Variants in VPS13B observed in about 807,000 individuals in gnomAD.
VPS13B encodes the protein vacuolar protein sorting 13 homolog B, also known as intermembrane lipid transfer protein VPS13B.
In VPS13B, 285 loss-of-function variants were observed where a neutral mutation model predicts 426.4. The observed-to-expected ratio is 0.67, with a 90% confidence interval of 0.61 to 0.74. The LOEUF (loss-of-function observed/expected upper bound fraction) is 0.74. Ranked by LOEUF, VPS13B falls within the 30% of genes least tolerant of loss-of-function variation. The pLI, the probability that VPS13B is intolerant of heterozygous loss-of-function variation, is 0.00. For missense variants in VPS13B, 4,537 were observed against 4,782.6 expected (o/e 0.95, Z 1.51); for synonymous variants, 1,676 against 1,676.4 (o/e 1.00, Z 0.01).
intron 4 of VPS13B, among the ~76,000 whole-genome samples, chr8:99,099,518 GAAAT>G (rs58469603): frequency 0.014 from 2,060 of 152,206 alleles, 40 homozygotes; most frequent in African/African-American, 0.045. Context: ...GACTATCAGA[GAAAT>G]AAATAAGATA....
chr8:99,328,355 C>T lies in VPS13B; in HGVS notation c.2824+53101C>T, dbSNP rs187121357. Among the ~76,000 whole-genome samples the T allele has an allele frequency of 4.1e-4, 62 of 152,266 alleles. 1 individual carries two copies. Among genetic ancestry groups the T allele is most frequent in the South Asian group, 1.7e-3 (8 of 4,824 alleles). ...GATTTATTATAAAGATTTCTCCATA[C>T]TCAATTGTGGGAGTTTTAAAAAAAT... is the stretch of plus-strand genomic sequence containing the variant. On this transcript the variant is annotated intron_variant, in intron 19 of 61. Coordinates refer to ENST00000357162, the MANE Select transcript of VPS13B (RefSeq NM_152564.5).
chr8:99,310,577 G>A (rs1414900194), intron 19 of VPS13B, among the ~76,000 whole-genome samples: 1 of 152,194 alleles, frequency 6.6e-6, no homozygotes, highest in Non-Finnish European at 1.5e-5. Context: ...TGTGTTGCTG[G>A]ATTCGGTTTG....
At chr8:99,875,214 A>G (rs1272506622) in intron 61 of VPS13B, 3 of 714,234 alleles carry the variant, frequency 4.2e-6, no homozygotes, top group Admixed American at 4.6e-5. Flanking sequence ...CCTAAGTCTC[A>G]TGCACAACTT....
intron 33 of VPS13B, among the ~76,000 whole-genome samples, chr8:99,634,567 T>C (rs947885223): frequency 3.3e-5 from 5 of 152,074 alleles, no homozygotes; most frequent in African/African-American, 1.2e-4. Context: ...TGCAGTATTG[T>C]GAAAAACATT....
At chr8:99,478,177 A>G (rs1385956418) in intron 24 of VPS13B, among the ~76,000 whole-genome samples, 3 of 151,232 alleles carry the variant, frequency 2.0e-5, no homozygotes, top group Non-Finnish European at 2.9e-5. Context: ...AAACTGATAC[A>G]TTGTTTTCTT....
intron 19 of VPS13B, among the ~76,000 whole-genome samples, chr8:99,309,793 A>G (rs1045174528): frequency 3.9e-5 from 6 of 152,132 alleles, no homozygotes; most frequent in African/African-American, 7.2e-5. Flanking sequence ...TTTTCATGAT[A>G]TTGATTCTTC....
intron 31 of VPS13B, among the ~76,000 whole-genome samples, chr8:99,561,430 G>A (rs1824914800): frequency 6.6e-6 from 1 of 152,118 alleles, no homozygotes. Context: ...CTGTGTGTAT[G>A]TAAGTGATCT....
chr8:99,772,945 T>C (rs958250552), intron 40 of VPS13B, among the ~76,000 whole-genome samples: 3 of 152,160 alleles, frequency 2.0e-5, no homozygotes, highest in African/African-American at 7.2e-5. Context: ...CAGTGCCCCA[T>C]TGAGATGAAT....
chr8:99,275,013 T>TA (rs1818818696), intron 18 of VPS13B, 68 bp from the exon 19 acceptor site: 1 of 1,368,916 alleles, frequency 7.3e-7, no homozygotes, highest in Non-Finnish European at 9.9e-7. Flanking sequence ...TAGTATATTT[T>TA]AAAATCAAAC....
intron 17 of VPS13B, among the ~76,000 whole-genome samples, chr8:99,228,220 C>G (rs1816122134): frequency 6.6e-6 from 1 of 152,060 alleles, no homozygotes; most frequent in East Asian, 1.9e-4. Flanking sequence ...AAATGCTTTT[C>G]TTATAGAAAC....
At position 99,730,468 on chromosome 8, in the gene VPS13B, T is replaced by C. The variant is rs1012141960; in HGVS notation, c.7050+9421T>C. Among the ~76,000 whole-genome samples, 4 of 152,124 alleles carry C rather than the reference T, an allele frequency of 2.6e-5. No individual in the cohort carries two copies. In the East Asian group the frequency reaches 7.7e-4, roughly 29 times the overall value. Reference sequence around the variant, plus strand: ...TTTTTAGACAAAGAAAAATCTAAAATAGAGTGTTCCCTGAATACACTTTTA... The same window carrying C: ...TTTTTAGACAAAGAAAAATCTAAAACAGAGTGTTCCCTGAATACACTTTTA... On this transcript the variant is annotated intron_variant, in intron 39 of 61. Transcript: ENST00000357162.
chr8:99,205,426 C>T (rs1814645209), intron 17 of VPS13B, among the ~76,000 whole-genome samples: 1 of 151,954 alleles, frequency 6.6e-6, no homozygotes, highest in Non-Finnish European at 1.5e-5. Flanking sequence ...ATGGGTGGCT[C>T]GAACCACCAT....
chr8:99,215,054 A>G lies in VPS13B; in HGVS notation c.2515+21997A>G, dbSNP rs527489848. 4.6e-5 allele frequency among the ~76,000 whole-genome samples: 7 copies of G among 152,264 alleles called. No homozygotes were observed. In the South Asian group the frequency reaches 1.5e-3, roughly 32 times the overall value. On this transcript the variant is annotated intron_variant, in intron 17 of 61. Coordinates refer to ENST00000357162, the MANE Select transcript of VPS13B (RefSeq NM_152564.5). ...CAGAGGAGCCTTCTTTAAGTAGAAA[A>G]TAGGTTCCTCAAAGGCAGGTTGCAT...
chr8:99,056,611 G>A (rs934943498), intron 3 of VPS13B, among the ~76,000 whole-genome samples: 7 of 152,140 alleles, frequency 4.6e-5, no homozygotes, highest in African/African-American at 4.8e-5. Context: ...TATCTTTGAC[G>A]GAATGCTTTC....
rs547144228 is a variant in VPS13B at position 99,442,401 on chromosome 8, C to T, written c.3211C>T (p.Leu1071Phe). Residue 1071 changes from leucine (L) to phenylalanine (F), a missense_variant and splice_region_variant, in exon 23 of 62, where the codon CTT (leucine) becomes TTT (phenylalanine). Physicochemically the swap from Leu to Phe is conservative, Grantham distance 22. Coordinates refer to ENST00000357162, the MANE Select transcript of VPS13B (RefSeq NM_152564.5). Reference protein sequence around the residue: ...WNAVKHLTLQLEVQSCCVFIP... With the variant: ...WNAVKHLTLQFEVQSCCVFIP... ...TTTTAATTCTGCTTTTCTTTTCTAG[C>T]TTGAAGTACAATCTTGTTGTGTGTT... 7 of 1,612,814 alleles carry T rather than the reference C, an allele frequency of 4.3e-6. No homozygotes were observed. In the African/African-American group the frequency reaches 9.3e-5, roughly 22 times the overall value.
intron 16 of VPS13B, among the ~76,000 whole-genome samples, chr8:99,181,107 A>G (rs1450215956): frequency 6.6e-6 from 1 of 152,204 alleles, no homozygotes; most frequent in Non-Finnish European, 1.5e-5. Flanking sequence ...ATAATTAGTT[A>G]TGATAAAATG....
chr8:99,791,518 A>T (rs1812532551), intron 43 of VPS13B, among the ~76,000 whole-genome samples: 1 of 152,114 alleles, frequency 6.6e-6, no homozygotes. Flanking sequence ...TGTATTTCAG[A>T]AAAGTTCTAC....
At chr8:99,840,752 A>G (rs772117443) in intron 54 of VPS13B, among the ~76,000 whole-genome samples, 13 of 152,350 alleles carry the variant, frequency 8.5e-5, no homozygotes, top group Admixed American at 1.3e-4. Context: ...CATTTGGTGC[A>G]GATCACACAG....
chr8:99,394,755 A>C (rs1211852248), intron 21 of VPS13B, among the ~76,000 whole-genome samples: 1 of 152,252 alleles, frequency 6.6e-6, no homozygotes, highest in African/African-American at 2.4e-5. Context: ...AAACCATTTT[A>C]TCTTACAAGT....
Sources: allele counts gnomAD v4.1 joint callset (sites outside exome capture counted in the v4.1 genomes callset), GRCh38; gene constraint gnomAD v4.1.1; transcripts MANE v1.5; gene names NCBI Gene and HGNC (gene_info 2026-07-23, HGNC 2026-07-21).